ALOX12: variants seen among roughly 807,000 people sequenced by gnomAD.
ALOX12 encodes polyunsaturated fatty acid lipoxygenase ALOX12.
In ALOX12, 62 loss-of-function variants were observed where a neutral mutation model predicts 85.5. The observed-to-expected ratio is 0.73, with a 90% CI of 0.59 to 0.90. ALOX12 has a LOEUF of 0.90. Among genes scored for constraint, ALOX12 ranks in the 40% least tolerant of loss-of-function variants. ALOX12 has a pLI of 0.00. For synonymous variants in ALOX12, 299 were observed against 332.7 expected, an observed-to-expected ratio of 0.90 and a Z score of 1.10; for missense variants, 751 against 856.5, an observed-to-expected ratio of 0.88 and a Z score of 1.54.
intron 11 of ALOX12, among the ~76,000 whole-genome samples, chr17:7,006,855 C>T (rs1909113110): frequency 1.3e-5 from 2 of 152,140 alleles, no homozygotes; most frequent in Admixed American, 1.3e-4. Flanking sequence ...TCACAGATGC[C>T]CCTGAACTGC....
chr17:7,002,369 G>A (rs1366993702), intron 8 of ALOX12: 9 of 399,826 alleles, frequency 2.3e-5, no homozygotes, highest in East Asian at 1.6e-4. Flanking sequence ...AATCTAAAAC[G>A]TAGTGAAGGG....
At position 7,000,263 on chromosome 17, in the gene ALOX12, T is replaced by C; in HGVS notation, c.808-73T>C. 1.3e-6 allele frequency: 2 copies of C among 1,554,432 alleles called. No individual in the cohort carries two copies. The highest frequency in any genetic ancestry group is 1.7e-5 in the Admixed American group (1 of 58,194). ...GAATGGCAAGAAGCTAGACTAAATC[T>C]CTTGCCCTTTGCCCCGGCCCCCTGG... On this transcript the variant is annotated intron_variant, in intron 6 of 13. Transcript: ENST00000251535. The surrounding 1 kb of genome is among the most constrained non-coding windows in gnomAD (Gnocchi z 4.6).
At position 6,998,748 on chromosome 17, in the gene ALOX12, C is replaced by T; in HGVS notation, c.453C>T (p.Thr151=). The T allele has an allele frequency of 6.2e-7, 1 of 1,614,140 alleles. No individual in the cohort carries two copies. The highest frequency in any genetic ancestry group is 2.2e-5 in the East Asian group (1 of 44,878). ...WATWKEGLPL[T]IAADRKDDLP... The stretch of plus-strand genomic sequence containing the variant: ...CCTGGAAGGAAGGGTTACCCCTGAC[C>T]ATCGCTGCAGACCGTAAGGATGATC... Residue 151 remains threonine, a synonymous_variant, in exon 4 of 14, where the codon ACC becomes ACT. Coordinates refer to ENST00000251535, the MANE Select transcript of ALOX12 (RefSeq NM_000697.3).
chr17:7,010,651 CAG>C lies in ALOX12; in HGVS notation c.*229_*230del. ...CCGCATAGTCACTGTCTCAACTACT[CAG>C]CTCTCCTGCTGCAGCATGAAGGCAG... is the stretch of plus-strand genomic sequence containing the variant. On this transcript the variant is annotated 3_prime_UTR_variant, in exon 14 of 14. Transcript: ENST00000251535. 2.2e-6 allele frequency: 1 copy of C among 460,694 alleles called. No homozygotes were observed. Among genetic ancestry groups the C allele is most frequent in the Non-Finnish European group, 3.8e-6 (1 of 265,012 alleles). 28.5% of individuals were successfully genotyped at this position (460,694 alleles called of 1,614,324 possible). A position where few individuals can be genotyped will look rare whatever the true frequency, so the allele number is the denominator to read the frequency against.
rs373551321 is a variant in ALOX12, at chr17:7,009,321, A to G, written c.1541-426A>G. 7.2e-5 allele frequency among the ~76,000 whole-genome samples: 11 copies of G among 152,202 alleles called. No individual in the cohort carries two copies. The East Asian group carries it at 1.4e-3, about 19-fold the overall frequency. ...TGATCCGCCCATCTTGGCCTCCCCA[A>G]GTGCTGGGACTACAGGCGTGAGCCA... On this transcript the variant is annotated intron_variant, in intron 11 of 13. Transcript: ENST00000251535.
Position 7,005,243 on chromosome 17 carries a change from C to T in ALOX12, c.1162-14C>T. On this transcript the variant is annotated splice_polypyrimidine_tract_variant and intron_variant, in intron 8 of 13. Transcript: ENST00000251535. ...GCCTCCACCAGTCACGCCCTCCAAT[C>T]TCCTCCTCTCCAGTTCCTGATCCCC... 1 of 1,610,972 alleles carries T rather than the reference C, an allele frequency of 6.2e-7. No individual in the cohort carries two copies. The highest frequency in any genetic ancestry group is 2.2e-5 in the East Asian group (1 of 44,866).
intron 11 of ALOX12, among the ~76,000 whole-genome samples, chr17:7,007,622 G>A (rs572305454): frequency 6.6e-6 from 1 of 152,262 alleles, no homozygotes; most frequent in East Asian, 1.9e-4. Flanking sequence ...AGTGGCTCAC[G>A]CTTGTAATCC....
chr17:6,999,594 G>A (rs1349810141), intron 6 of ALOX12, 128 bp downstream of exon 6: 1 of 939,140 alleles, frequency 1.1e-6, no homozygotes, highest in Non-Finnish European at 1.6e-6. Context: ...GTCCTGTGCT[G>A]GAAAAATACA....
chr17:7,009,600 C>A, intron 11 of ALOX12, 147 bp from the exon 12 acceptor site: 1 of 713,854 alleles, frequency 1.4e-6, no homozygotes, highest in Non-Finnish European at 2.3e-6. Flanking sequence ...AGTGACTGAG[C>A]CAGGACTTAA....
chr17:6,996,652 A>G (rs1206388193), intron 1 of ALOX12, among the ~76,000 whole-genome samples, 174 bp from the exon 2 acceptor site: 1 of 151,958 alleles, frequency 6.6e-6, no homozygotes, highest in Non-Finnish European at 1.5e-5. Flanking sequence ...CTCGTCCTCC[A>G]CCCGACTCCG....
At chr17:7,009,152 C>G (rs965440226) in intron 11 of ALOX12, among the ~76,000 whole-genome samples, 15 of 151,776 alleles carry the variant, frequency 9.9e-5, no homozygotes, top group African/African-American at 3.6e-4. Context: ...CTCTGCCTCC[C>G]GGGTTCACGC....
In ALOX12 at chr17:7,010,217, A is replaced by G. The variant is rs550573538; in HGVS notation, c.1813-27A>G. On this transcript the variant is annotated intron_variant, in intron 13 of 13. Coordinates refer to ENST00000251535, the MANE Select transcript of ALOX12 (RefSeq NM_000697.3). The stretch of plus-strand genomic sequence containing the variant: ...GCTCTAGGTGCGTTTGTCTTTAGAA[A>G]CTGACTGATCCTTTGTTCTGTCTCA... 5 of 1,605,914 alleles carry G rather than the reference A, an allele frequency of 3.1e-6. No homozygotes were observed. In the African/African-American group the frequency reaches 5.4e-5, roughly 17 times the overall value.
intron 10 of ALOX12, 123 bp from the exon 11 acceptor site, chr17:7,006,363 G>A (rs1279455107): frequency 6.9e-7 from 1 of 1,445,766 alleles, no homozygotes; most frequent in Non-Finnish European, 9.4e-7. Flanking sequence ...GAGGGCTGAG[G>A]ATGTCCCAAA....
At position 7,006,591 on chromosome 17, in the gene ALOX12, C is replaced by A. The variant is rs1433717688; in HGVS notation, c.1524C>A (p.Cys508Ter). ...WCREITEVGLCQAQDRGFPVS... is the reference protein window; with the variant it reads ...WCREITEVGL ...GGGAGATCACGGAGGTGGGGCTGTGCCAGGCCCAGGACCGAGGTAAGATCC... is the reference window on the plus strand; with the variant it reads ...GGGAGATCACGGAGGTGGGGCTGTGACAGGCCCAGGACCGAGGTAAGATCC... The change falls in exon 11 of 14, where the codon TGC (cysteine) becomes TGA (stop). Residue 508 changes from cysteine (C) to a stop codon, truncating the protein, a stop_gained. Coordinates refer to ENST00000251535, the MANE Select transcript of ALOX12 (RefSeq NM_000697.3). LOFTEE classifies it high-confidence loss of function. The A allele has an allele frequency of 6.2e-7, 1 of 1,608,522 alleles. No individual in the cohort carries two copies. Among genetic ancestry groups the A allele is most frequent in the Non-Finnish European group, 8.5e-7 (1 of 1,177,036 alleles).
chr17:7,007,056 C>T (rs532921199), intron 11 of ALOX12, among the ~76,000 whole-genome samples: 4 of 152,284 alleles, frequency 2.6e-5, no homozygotes, highest in African/African-American at 9.6e-5. Context: ...CTGTGCAGCA[C>T]GCACAGAGGG....
rs746409079 is a variant in ALOX12, at chr17:7,006,060, C to CTGGG, written c.1418+33_1418+34insTGGG. 181 of 91,234 alleles carry CTGGG rather than the reference C, an allele frequency of 2.0e-3. 70 individuals carry two copies. Among genetic ancestry groups the CTGGG allele is most frequent in the African/African-American group, 3.0e-3 (19 of 6,390 alleles). 5.7% of individuals were successfully genotyped at this position (91,234 alleles called of 1,614,324 possible). ...AGGAGGAGCTGAGAAATGGTGGGGC[C>CTGGG]GGGGGGGGGGGGGGCTCTGGCCTGA... On this transcript the variant is annotated intron_variant, in intron 10 of 13. Coordinates refer to ENST00000251535, the MANE Select transcript of ALOX12 (RefSeq NM_000697.3).
chr17:7,001,637 A>C lies in ALOX12; in HGVS notation c.987A>C (p.Thr329=). The change falls in exon 8 of 14, where the codon ACA becomes ACC. Residue 329 remains threonine, a synonymous_variant. Coordinates refer to ENST00000251535, the MANE Select transcript of ALOX12 (RefSeq NM_000697.3). The part of the protein sequence containing the change: ...QPPNPSSPTP[T]LFLPSDPPLA... The stretch of plus-strand genomic sequence containing the variant: ...CCAACCCCAGCTCTCCAACCCCAAC[A>C]CTGTTCCTGCCCTCAGACCCCCCAC... 1 of 1,613,872 alleles carries C rather than the reference A, an allele frequency of 6.2e-7. No individual in the cohort carries two copies. The highest frequency in any genetic ancestry group is 8.5e-7 in the Non-Finnish European group (1 of 1,179,952).
chr17:7,002,468 G>T (rs1318534601), intron 8 of ALOX12: 1 of 468,782 alleles, frequency 2.1e-6, no homozygotes, highest in Non-Finnish European at 4.4e-6. Context: ...CCCTGGGGCA[G>T]GTGTGTTATA....
At chr17:6,999,638 A>C (rs1908615058) in intron 6 of ALOX12, 172 bp downstream of exon 6, 1 of 644,880 alleles carries the variant, frequency 1.6e-6, no homozygotes, top group Admixed American at 3.1e-5. Context: ...AACTATGAGG[A>C]GCTCCCAGCA....
Sources: allele counts gnomAD v4.1 joint callset (sites outside exome capture counted in the v4.1 genomes callset), GRCh38; gene constraint gnomAD v4.1.1; non-coding constraint Gnocchi (gnomAD v3.1); transcripts MANE v1.5; gene names NCBI Gene and HGNC (gene_info 2026-07-23, HGNC 2026-07-21).